MYO5A: variants seen among roughly 807,000 people sequenced by gnomAD.
The protein encoded by MYO5A is unconventional myosin-Va.
In MYO5A, 98 loss-of-function variants were observed where a neutral mutation model predicts 249.7. The observed-to-expected ratio is 0.39, with a 90% confidence interval of 0.33 to 0.46. The LOEUF is 0.46. Ranked by LOEUF, MYO5A falls within the 20% of genes least tolerant of loss-of-function variation. The pLI, the probability that MYO5A is intolerant of heterozygous loss-of-function variation, is 0.98. For missense variants in MYO5A, 1,696 were observed against 2,308.8 expected, an observed-to-expected ratio of 0.73 and a Z score of 5.44; for synonymous variants, 778 against 810.6, an observed-to-expected ratio of 0.96 and a Z score of 0.68.
Position 52,359,982 on chromosome 15 carries a change from G to T in MYO5A, c.3409C>A (p.Pro1137Thr). The change falls in exon 25 of 42, where the codon CCA becomes ACA. Residue 1137 changes from proline to threonine, a missense_variant. Pro to Thr is a conservative substitution (Grantham distance 38). Around this residue, in one of 5 missense-constraint regions of MYO5A, gnomAD observed 625 missense variants for 908.1 expected, o/e 0.69. Coordinates refer to ENST00000399233, the MANE Select transcript of MYO5A (RefSeq NM_001382347.1). ...SSEIAEMEDIPSRTEEPSEKK... is the reference protein window; with the variant it reads ...SSEIAEMEDITSRTEEPSEKK... ...CTAAACTGTACCTCTGTCCTTGATG[G>T]AATGTCTTCCATTTCTGCAATTTCA... 6.2e-7 allele frequency: 1 copy of T among 1,609,146 alleles called. No homozygotes were observed.
At chr15:52,455,448 G>A (rs999980724) in intron 1 of MYO5A, among the ~76,000 whole-genome samples, 8 of 152,024 alleles carry the variant, frequency 5.3e-5, no homozygotes, top group Admixed American at 1.3e-4. Flanking sequence ...GAATAGTTCC[G>A]AACTCATTCT....
At chr15:52,414,492 A>G (rs1370927398) in intron 5 of MYO5A, among the ~76,000 whole-genome samples, 1 of 152,148 alleles carries the variant, frequency 6.6e-6, no homozygotes, top group Non-Finnish European at 1.5e-5. Context: ...GAAAGAGGTC[A>G]TAAAATAGTA....
rs201875293 is a variant in MYO5A, at chr15:52,425,820, T to A, written c.455+10A>T. 2.5e-6 allele frequency: 4 copies of A among 1,613,788 alleles called. No homozygotes were observed. In the African/African-American group the frequency reaches 5.3e-5, roughly 22 times the overall value. ...ACTGCCATAAAATAACAATGAAAGC[T>A]TCTACCAACCTGGCCATTTGCTTGT... On this transcript the variant is annotated intron_variant, in intron 4 of 41. Transcript: ENST00000399233.
At chr15:52,382,255 C>T (rs182281615) in intron 16 of MYO5A, among the ~76,000 whole-genome samples, 20 of 152,176 alleles carry the variant, frequency 1.3e-4, no homozygotes, top group African/African-American at 4.8e-4. Context: ...TGAAAACTGT[C>T]TTTACAATGT....
At chr15:52,484,358 T>A (rs1014383897) in intron 1 of MYO5A, among the ~76,000 whole-genome samples, 1 of 152,186 alleles carries the variant, frequency 6.6e-6, no homozygotes, top group Admixed American at 6.5e-5. Context: ...AAAATAAGAA[T>A]GTGGATCTGT....
chr15:52,354,074 G>T lies in MYO5A; in HGVS notation c.3424-60C>A, dbSNP rs1342753357. The T allele has an allele frequency of 1.9e-6, 3 of 1,597,862 alleles. No homozygotes were observed. In the African/African-American group the frequency reaches 4.0e-5, roughly 21 times the overall value. On this transcript the variant is annotated intron_variant, in intron 25 of 41. Transcript: ENST00000399233. ...AGCCAGAAGACATAAAAGCCAATGA[G>T]AAAATGACAAACAGCTCAATGGAAA...
rs1669877 is a variant in MYO5A, at chr15:52,405,618, T to C, written c.947-225A>G. Among the ~76,000 whole-genome samples, 49,055 of 152,140 alleles carry C rather than the reference T, an allele frequency of 0.32. 10,159 individuals are homozygous for C. Among genetic ancestry groups the C allele is most frequent in the East Asian group, 0.67 (3,445 of 5,170 alleles). Reference sequence around the variant, plus strand: ...GCTGCTGACTGTGGCTGATCTGGCTTGAGACCTGGCTCTGCTATGGACCTA... The same window carrying C: ...GCTGCTGACTGTGGCTGATCTGGCTCGAGACCTGGCTCTGCTATGGACCTA... On this transcript the variant is annotated intron_variant, in intron 8 of 41. Transcript: ENST00000399233.
At chr15:52,348,585 G>A (rs1253218985) in intron 29 of MYO5A, among the ~76,000 whole-genome samples, 1 of 152,214 alleles carries the variant, frequency 6.6e-6, no homozygotes, top group African/African-American at 2.4e-5. Context: ...AGCTGCCTAT[G>A]AATTAGAAGT....
chr15:52,420,297 C>A (rs1437595483), intron 4 of MYO5A, among the ~76,000 whole-genome samples: 1 of 128,830 alleles, frequency 7.8e-6, no homozygotes, highest in Non-Finnish European at 1.6e-5. Context: ...ATAGTGAGAC[C>A]CTGTATTACA....
chr15:52,458,479 G>A (rs1263039427), intron 1 of MYO5A, among the ~76,000 whole-genome samples: 1 of 151,956 alleles, frequency 6.6e-6, no homozygotes, highest in Non-Finnish European at 1.5e-5. Flanking sequence ...TATTAGCTGG[G>A]CGTGGTGGCA....
chr15:52,430,376 A>C (rs2075500383), intron 2 of MYO5A, among the ~76,000 whole-genome samples: 1 of 152,220 alleles, frequency 6.6e-6, no homozygotes, highest in Admixed American at 6.5e-5. Flanking sequence ...ATATTAGAGA[A>C]GACACTAATT....
At chr15:52,384,820 C>A (rs1024146394) in intron 14 of MYO5A, among the ~76,000 whole-genome samples, 3 of 152,116 alleles carry the variant, frequency 2.0e-5, no homozygotes, top group African/African-American at 7.2e-5. Context: ...AAAAACATCA[C>A]CGAAAATCTC....
At chr15:52,406,411 T>C (rs1794153004) in intron 8 of MYO5A, among the ~76,000 whole-genome samples, 1 of 152,174 alleles carries the variant, frequency 6.6e-6, no homozygotes, top group African/African-American at 2.4e-5. Flanking sequence ...CGAGAAGAAA[T>C]GCAGTGATTT....
At chr15:52,448,246 G>A (rs1255689258) in intron 1 of MYO5A, among the ~76,000 whole-genome samples, 5 of 152,228 alleles carry the variant, frequency 3.3e-5, no homozygotes, top group Admixed American at 1.3e-4. Context: ...AGAGCCAAAG[G>A]AGATTCTTTT....
chr15:52,446,585 G>C (rs2075895334), intron 1 of MYO5A, among the ~76,000 whole-genome samples: 1 of 152,148 alleles, frequency 6.6e-6, no homozygotes, highest in Non-Finnish European at 1.5e-5. Flanking sequence ...TGTGAGAAGG[G>C]GGCCACCATC....
At chr15:52,469,596 C>A (rs933140040) in intron 1 of MYO5A, among the ~76,000 whole-genome samples, 3 of 152,126 alleles carry the variant, frequency 2.0e-5, no homozygotes, top group Admixed American at 6.6e-5. Context: ...TGTAACTTTA[C>A]AGAAATACGT....
At chr15:52,510,043 C>A (rs899935140) in intron 1 of MYO5A, among the ~76,000 whole-genome samples, 11 of 152,186 alleles carry the variant, frequency 7.2e-5, no homozygotes, top group Non-Finnish European at 1.5e-5. Flanking sequence ...ACTGCTATGG[C>A]AGTGAAGAAT....
At chr15:52,488,331 T>G (rs1460450450) in intron 1 of MYO5A, among the ~76,000 whole-genome samples, 1 of 152,198 alleles carries the variant, frequency 6.6e-6, no homozygotes, top group African/African-American at 2.4e-5. Context: ...CACATTTTAA[T>G]GTGGAGGGCT....
intron 4 of MYO5A, 62 bp from the exon 5 acceptor site, chr15:52,416,363 G>A: frequency 3.2e-6 from 5 of 1,540,708 alleles, no homozygotes; most frequent in African/African-American, 1.4e-5. Context: ...GATTGATAAG[G>A]GAAACTATGG....
Sources: allele counts gnomAD v4.1 joint callset (sites outside exome capture counted in the v4.1 genomes callset), GRCh38; gene constraint gnomAD v4.1.1; regional missense constraint gnomAD v4.1.1; transcripts MANE v1.5; gene names NCBI Gene and HGNC (gene_info 2026-07-23, HGNC 2026-07-21).